Variants in KCNH2 observed in about 807,000 individuals in gnomAD.
KCNH2 encodes the protein potassium voltage-gated channel subfamily H member 2.
KCNH2 carries 35 observed loss-of-function variants against 95.9 expected under a neutral mutation model. The ratio of observed to expected loss-of-function variants is 0.37; its 90% confidence interval spans 0.28 to 0.48. The LOEUF is 0.48. Among genes scored for constraint, KCNH2 ranks in the 20% least tolerant of loss-of-function variants. KCNH2 has a pLI of 0.99. For synonymous variants in KCNH2, 786 were observed against 754.7 expected (o/e 1.04, Z -0.68); for missense variants, 1,274 against 1,702.9 (o/e 0.75, Z 4.43).
At chr7:150,964,028 C>T (rs906536054) in intron 2 of KCNH2, among the ~76,000 whole-genome samples, 3 of 152,226 alleles carry the variant, frequency 2.0e-5, no homozygotes, top group African/African-American at 2.4e-5. Flanking sequence ...CCAACCCATC[C>T]GAGGTCAGGG....
chr7:150,947,573 G>A (rs894799556), intron 12 of KCNH2, 33 bp downstream of exon 12: 37 of 1,608,770 alleles, frequency 2.3e-5, no homozygotes, highest in African/African-American at 2.7e-5. Context: ...TGCCACGCCC[G>A]GTCCTCCCTC....
rs528737417 is a variant in KCNH2 at position 150,969,263 on chromosome 7, G to A, written c.307+5448C>T. Among the ~76,000 whole-genome samples, 37 of 152,324 alleles carry A rather than the reference G, an allele frequency of 2.4e-4. 1 individual carries two copies. In the East Asian group the frequency reaches 7.0e-3, roughly 29 times the overall value. ...CTTCCCTCCCATAAAGTGACGGAGAGGAATCCTGCCTTTCACAGGGCCATG... is the reference window on the plus strand; with the variant it reads ...CTTCCCTCCCATAAAGTGACGGAGAAGAATCCTGCCTTTCACAGGGCCATG... On this transcript the variant is annotated intron_variant, in intron 2 of 14. Coordinates refer to ENST00000262186, the MANE Select transcript of KCNH2 (RefSeq NM_000238.4).
intron 2 of KCNH2, among the ~76,000 whole-genome samples, chr7:150,971,969 G>A (rs3807372): frequency 0.21 from 31,901 of 151,896 alleles, 3,926 homozygotes; most frequent in East Asian, 0.47. Flanking sequence ...CCAGGGCCTT[G>A]CGGGGATGTT....
At chr7:150,974,010 G>A (rs3778869) in intron 2 of KCNH2, among the ~76,000 whole-genome samples, 27,765 of 152,200 alleles carry the variant, frequency 0.18, 3,778 homozygotes, top group African/African-American at 0.37. Context: ...CGGTGTGGGA[G>A]CAGCCCCACC....
chr7:150,955,009 G>A (rs1177348440), intron 5 of KCNH2, among the ~76,000 whole-genome samples: 1 of 152,200 alleles, frequency 6.6e-6, no homozygotes, highest in Non-Finnish European at 1.5e-5. Flanking sequence ...AGGAGCCCCG[G>A]CGCCTCCATG....
chr7:150,957,306 A>G lies in KCNH2; in HGVS notation c.1113T>C (p.Thr371=). The G allele has an allele frequency of 6.3e-7, 1 of 1,582,308 alleles. No homozygotes were observed. The highest frequency in any genetic ancestry group is 8.6e-7 in the Non-Finnish European group (1 of 1,164,128). The change falls in exon 5 of 15, where the codon ACT becomes ACC. Residue 371 remains threonine, a synonymous_variant. Coordinates refer to ENST00000262186, the MANE Select transcript of KCNH2 (RefSeq NM_000238.4). ...GGGCGCCTACCTGGGTGACCTTCTCAGTGACATTGTGGGTTCGCTCCTTTA... is the reference window on the plus strand; with the variant it reads ...GGGCGCCTACCTGGGTGACCTTCTCGGTGACATTGTGGGTTCGCTCCTTTA... ...PKIKERTHNV[T]EKVTQVLSLG... is the part of the protein sequence containing the mutation.
chr7:150,965,694 A>G (rs1801684715), intron 2 of KCNH2, among the ~76,000 whole-genome samples: 1 of 152,172 alleles, frequency 6.6e-6, no homozygotes, highest in Non-Finnish European at 1.5e-5. Context: ...AACTTGTCCA[A>G]ACAATGCCCA....
rs1018505608 is a variant in KCNH2, at chr7:150,961,313, T to C, written c.308-1577A>G. On this transcript the variant is annotated intron_variant, in intron 2 of 14. Coordinates refer to ENST00000262186, the MANE Select transcript of KCNH2 (RefSeq NM_000238.4). This position sits in a 1 kb window ranked among gnomAD's most constrained non-coding sequence, Gnocchi z 6.2. ...GCCTCACTTTTTTTTTTTTTTTTTT[T>C]CTGAGACAGGGTTTCACTCTGTCAC... 3.3e-5 allele frequency among the ~76,000 whole-genome samples: 5 copies of C among 151,184 alleles called. No homozygotes were observed. The highest frequency in any genetic ancestry group is 4.2e-4 in the South Asian group (2 of 4,786).
chr7:150,947,122 G>T, intron 13 of KCNH2, 68 bp from the exon 14 acceptor site: 1 of 464,682 alleles, frequency 2.2e-6, no homozygotes, highest in Non-Finnish European at 4.0e-6. Flanking sequence ...CGGGAGTGGG[G>T]AAGGGGAAGG....
In KCNH2 at chr7:150,978,182, C is replaced by A. The variant is rs1343958390; in HGVS notation, c.-269G>T. 1.4e-5 allele frequency: 2 copies of A among 146,174 alleles called. No homozygotes were observed. The highest frequency in any genetic ancestry group is 3.0e-5 in the Non-Finnish European group (2 of 65,708). 9.1% of individuals were successfully genotyped at this position (146,174 alleles called of 1,614,324 possible). On this transcript the variant is annotated 5_prime_UTR_variant, in exon 1 of 15. Coordinates refer to ENST00000262186, the MANE Select transcript of KCNH2 (RefSeq NM_000238.4). ...TGCCGGCCCCCGCCGAGCCGCGGGG[C>A]CCGCTCCGCCGCGTCCCCGCGCTGC... is the stretch of plus-strand genomic sequence containing the variant.
At chr7:150,975,030 C>T (rs947188041) in intron 1 of KCNH2, 89 bp from the exon 2 acceptor site, 3 of 1,135,886 alleles carry the variant, frequency 2.6e-6, no homozygotes, top group African/African-American at 3.1e-5. Context: ...CTCACACAGC[C>T]GCCCGGGGAC....
Position 150,946,910 on chromosome 7 carries a change from G to C in KCNH2, c.3297C>G (p.Pro1099=). 6.3e-7 allele frequency: 1 copy of C among 1,598,658 alleles called. No homozygotes were observed. The highest frequency in any genetic ancestry group is 2.2e-5 in the East Asian group (1 of 44,522). ...GCGAGTCCAAGGTGAGGGTGGGGAG[G>C]GGGCTGACGGGCAACAGCGGGGATG... ...TSTSPLLPVS[P]LPTLTLDSLS... is the part of the protein sequence containing the mutation. Residue 1099 remains proline, a synonymous_variant, in exon 14 of 15, where the codon CCC becomes CCG. Transcript: ENST00000262186. The surrounding 1 kb of genome is among the most constrained non-coding windows in gnomAD (Gnocchi z 6.5).
At chr7:150,960,802 A>T (rs3823587) in intron 2 of KCNH2, among the ~76,000 whole-genome samples, 2 of 150,738 alleles carry the variant, frequency 1.3e-5, no homozygotes, top group African/African-American at 4.9e-5. Flanking sequence ...CAGTCCCCTA[A>T]GCCAAGCACC....
rs568807354 is a variant in KCNH2 at position 150,947,113 on chromosome 7, G to C, written c.3153-59C>G. 8.1e-4 allele frequency: 1,108 copies of C among 1,368,154 alleles called. 12 individuals are homozygous for C. The African/African-American group carries it at 0.014, about 17-fold the overall frequency. 84.8% of individuals were successfully genotyped at this position (1,368,154 alleles called of 1,614,324 possible). A position where few individuals can be genotyped will look rare whatever the true frequency, so the allele number is the denominator to read the frequency against. ...GGGGACACCAGTGACAGCCTCCACCGGGAGTGGGGAAGGGGAAGGGGAGGG... is the reference window on the plus strand; with the variant it reads ...GGGGACACCAGTGACAGCCTCCACCCGGAGTGGGGAAGGGGAAGGGGAGGG... On this transcript the variant is annotated intron_variant, in intron 13 of 14. Transcript: ENST00000262186.
Position 150,946,863 on chromosome 7 carries a change from G to A in KCNH2, c.3330+14C>T. 6.3e-7 allele frequency: 1 copy of A among 1,596,464 alleles called. No individual in the cohort carries two copies. Among genetic ancestry groups the A allele is most frequent in the Non-Finnish European group, 8.6e-7 (1 of 1,168,370 alleles). On this transcript the variant is annotated intron_variant, in intron 14 of 14. Transcript: ENST00000262186. The surrounding 1 kb of genome is among the most constrained non-coding windows in gnomAD (Gnocchi z 6.5). ...CGGGTCACGGTACATCGAGGAAGCA[G>A]GGCTGGAGCTTACCTGAGAAAGCGA...
chr7:150,949,180 A>G, intron 9 of KCNH2, 131 bp from the exon 10 acceptor site: 1 of 1,081,532 alleles, frequency 9.2e-7, no homozygotes, highest in Non-Finnish European at 1.3e-6. Context: ...GCCGGCCCCC[A>G]ACCCACACAA....
rs1269853742 is a variant in KCNH2, at chr7:150,952,926, T to C, written c.1129-73A>G. 2 of 1,441,736 alleles carry C rather than the reference T, an allele frequency of 1.4e-6. No individual in the cohort carries two copies. 89.3% of individuals were successfully genotyped at this position (1,441,736 alleles called of 1,614,324 possible). A position where few individuals can be genotyped will look rare whatever the true frequency, so the allele number is the denominator to read the frequency against. On this transcript the variant is annotated intron_variant, in intron 5 of 14. Coordinates refer to ENST00000262186, the MANE Select transcript of KCNH2 (RefSeq NM_000238.4). The surrounding 1 kb of genome is among the most constrained non-coding windows in gnomAD (Gnocchi z 7.3). ...TCGGGGGCAGGAGCGATGACATCTCTGCCGGGGCCAAGCAGAATGAGGAGG... is the reference window on the plus strand; with the variant it reads ...TCGGGGGCAGGAGCGATGACATCTCCGCCGGGGCCAAGCAGAATGAGGAGG...
chr7:150,966,515 A>G (rs1313986985), intron 2 of KCNH2, among the ~76,000 whole-genome samples: 1 of 152,002 alleles, frequency 6.6e-6, no homozygotes, highest in Non-Finnish European at 1.5e-5. Context: ...ATCCAAACAT[A>G]AACAGCGAAA....
rs1257113604 is a variant in KCNH2 at position 150,977,733 on chromosome 7, G to C, written c.76+105C>G. On this transcript the variant is annotated intron_variant, in intron 1 of 14. Transcript: ENST00000262186. ...GGGGCCCACCAGGCCCCATTGACTC[G>C]CACTTGCCGACGCACACGGCCCGGG... 23 of 912,450 alleles carry C rather than the reference G, an allele frequency of 2.5e-5. 1 individual carries two copies. The South Asian group carries it at 3.5e-4, about 14-fold the overall frequency. 56.5% of individuals were successfully genotyped at this position (912,450 alleles called of 1,614,324 possible). A position where few individuals can be genotyped will look rare whatever the true frequency, so the allele number is the denominator to read the frequency against.
Sources: allele counts gnomAD v4.1 joint callset (sites outside exome capture counted in the v4.1 genomes callset), GRCh38; gene constraint gnomAD v4.1.1; non-coding constraint Gnocchi (gnomAD v3.1); transcripts MANE v1.5; gene names NCBI Gene and HGNC (gene_info 2026-07-23, HGNC 2026-07-21).